The following CCDC192 variants were observed in gnomAD, a reference collection of about 807,000 sequenced individuals.
CCDC192 encodes coiled-coil domain containing 192.
intron 6 of CCDC192, among the ~76,000 whole-genome samples, chr5:127,888,781 G>A (rs888866041): frequency 2.0e-5 from 3 of 152,196 alleles, no homozygotes; most frequent in Non-Finnish European, 2.9e-5. Flanking sequence ...TTTATTAACT[G>A]TGGCAGAAGA....
chr5:127,837,783 A>G (rs1342071785), intron 5 of CCDC192, among the ~76,000 whole-genome samples: 1 of 152,098 alleles, frequency 6.6e-6, no homozygotes, highest in African/African-American at 2.4e-5. Context: ...AGGTCGGGAG[A>G]TGGAGACCAT....
intron 5 of CCDC192, among the ~76,000 whole-genome samples, chr5:127,867,750 G>A (rs1190754992): frequency 1.3e-5 from 2 of 152,140 alleles, no homozygotes; most frequent in African/African-American, 4.8e-5. Flanking sequence ...ACCTGCTTGA[G>A]CTCTCAGTTT....
intron 5 of CCDC192, among the ~76,000 whole-genome samples, chr5:127,831,942 A>G (rs1749814509): frequency 6.6e-6 from 1 of 152,130 alleles, no homozygotes; most frequent in Non-Finnish European, 1.5e-5. Flanking sequence ...TAAATTGCTA[A>G]TTTAAAAATG....
intron 2 of CCDC192, among the ~76,000 whole-genome samples, chr5:127,712,378 G>A (rs1488641463): frequency 3.3e-5 from 5 of 152,068 alleles, no homozygotes; most frequent in African/African-American, 1.2e-4. Context: ...TCCTCCCTTG[G>A]GGGTGAGTTC....
intron 5 of CCDC192, among the ~76,000 whole-genome samples, chr5:127,853,978 TC>T (rs1054642453): frequency 1.3e-5 from 2 of 152,058 alleles, no homozygotes; most frequent in Non-Finnish European, 2.9e-5. Flanking sequence ...TATTCCCAGC[TC>T]CCCAAAGGCA....
intron 3 of CCDC192, among the ~76,000 whole-genome samples, chr5:127,755,363 T>G (rs943321712): frequency 6.6e-6 from 1 of 152,150 alleles, no homozygotes; most frequent in Admixed American, 6.5e-5. Context: ...ATAATTAATA[T>G]ATAATTTAGT....
chr5:127,712,549 G>T (rs576380393), intron 2 of CCDC192, among the ~76,000 whole-genome samples: 2 of 152,274 alleles, frequency 1.3e-5, no homozygotes, highest in Non-Finnish European at 1.5e-5. Flanking sequence ...CATGCTTCTT[G>T]TACAGCCTAC....
chr5:127,738,999 A>T (rs1192831699), intron 2 of CCDC192, among the ~76,000 whole-genome samples: 2 of 151,856 alleles, frequency 1.3e-5, no homozygotes, highest in African/African-American at 4.8e-5. Context: ...GAGGAGGAGG[A>T]GGCGCTCTGC....
chr5:127,749,572 CT>C (rs1754001201), intron 2 of CCDC192, among the ~76,000 whole-genome samples: 1 of 151,778 alleles, frequency 6.6e-6, no homozygotes, highest in Non-Finnish European at 1.5e-5. Context: ...TTCTAAAATT[CT>C]CTTTTTTGGT....
At chr5:127,777,902 T>C (rs1164361953) in intron 3 of CCDC192, among the ~76,000 whole-genome samples, 1 of 152,158 alleles carries the variant, frequency 6.6e-6, no homozygotes, top group Non-Finnish European at 1.5e-5. Context: ...ACCTCCTTTT[T>C]TTTTTTTTAC....
chr5:127,878,390 G>T (rs926505181), intron 6 of CCDC192, among the ~76,000 whole-genome samples: 2 of 152,220 alleles, frequency 1.3e-5, no homozygotes, highest in African/African-American at 4.8e-5. Context: ...ATGTGGGGAA[G>T]GAGAATGCTC....
intron 6 of CCDC192, 100 bp downstream of exon 6, chr5:127,875,761 G>A (rs573753677): frequency 5.1e-6 from 2 of 395,712 alleles, no homozygotes; most frequent in Non-Finnish European, 8.9e-6. Flanking sequence ...TACAGGCCTG[G>A]TCTGACCTCT....
chr5:127,752,243 T>G (rs1374690415), intron 2 of CCDC192, among the ~76,000 whole-genome samples: 1 of 152,194 alleles, frequency 6.6e-6, no homozygotes, highest in Non-Finnish European at 1.5e-5. Flanking sequence ...TCTTTGTGGT[T>G]TTATCTACTT....
upstream of CCDC192, among the ~76,000 whole-genome samples, chr5:127,702,603 A>G (rs370424322): frequency 1.1e-4 from 16 of 152,226 alleles, no homozygotes; most frequent in East Asian, 1.9e-3. Context: ...CTGTGATTAG[A>G]AACATTGCTG....
intron 5 of CCDC192, among the ~76,000 whole-genome samples, chr5:127,814,590 A>T (rs755970281): frequency 6.6e-6 from 1 of 152,254 alleles, no homozygotes; most frequent in Non-Finnish European, 1.5e-5. Flanking sequence ...AGTTAATTGG[A>T]ATAGCTAAAA....
chr5:127,817,681 T>A (rs1749087297), intron 5 of CCDC192, among the ~76,000 whole-genome samples: 1 of 152,222 alleles, frequency 6.6e-6, no homozygotes, highest in East Asian at 1.9e-4. Context: ...TATGAAATGT[T>A]CTGGACTCCG....
At chr5:127,868,046 T>A (rs1751688248) in intron 5 of CCDC192, among the ~76,000 whole-genome samples, 1 of 151,622 alleles carries the variant, frequency 6.6e-6, no homozygotes, top group Non-Finnish European at 1.5e-5. Flanking sequence ...AGATCTTAGT[T>A]GCCTAGACCG....
chr5:127,893,952 GA>G (rs998734891), intron 6 of CCDC192, among the ~76,000 whole-genome samples: 6 of 151,524 alleles, frequency 4.0e-5, no homozygotes, highest in African/African-American at 7.3e-5. Context: ...TAAACTTTGG[GA>G]AAAAAAATCC....
intron 1 of CCDC192, among the ~76,000 whole-genome samples, chr5:127,706,253 G>A (rs1265663399): frequency 1.3e-5 from 2 of 152,126 alleles, no homozygotes; most frequent in Non-Finnish European, 2.9e-5. Context: ...TATTGGCAGG[G>A]CGCAGTGGCT....
Sources: gnomAD v4.1 joint callset for allele counts (sites outside exome capture counted in the v4.1 genomes callset) on GRCh38, gnomAD v4.1.1 for gene constraint, MANE v1.5 for transcripts, NCBI Gene and HGNC (gene_info 2026-07-23, HGNC 2026-07-21) for gene names.